ADCY1: variants seen among roughly 807,000 people sequenced by gnomAD.
ADCY1 encodes the protein adenylate cyclase type 1.
A neutral mutation model predicts 105.4 loss-of-function variants in ADCY1; 28 were observed. That is an observed-to-expected ratio of 0.27 (90% CI 0.20 to 0.36). The LOEUF is 0.36. Ranked by LOEUF, ADCY1 falls within the 10% of genes least tolerant of loss-of-function variation. The pLI is 1.00. For missense variants in ADCY1, 977 were observed against 1,434.2 expected (o/e 0.68, Z 5.15); for synonymous variants, 655 against 623.8 (o/e 1.05, Z -0.75).
chr7:45,635,601 GTTTTTTTTTTTT>G (rs71030884), intron 4 of ADCY1, among the ~76,000 whole-genome samples: 904 of 57,236 alleles, frequency 0.016, 10 homozygotes, highest in Non-Finnish European at 0.023. Context: ...AATTTCTCTT[GTTTTTTTTTTTT>G]TTTTTTTTTT....
At position 45,657,711 on chromosome 7, in the gene ADCY1, T is replaced by G. The variant is rs376092704; in HGVS notation, c.1149-16T>G. Reference sequence around the variant, plus strand: ...CAAGGTGGGCCCTAGCCCCACGCTCTGTGTCTGTGTTGCAGATCTGTGGCT... The same window carrying G: ...CAAGGTGGGCCCTAGCCCCACGCTCGGTGTCTGTGTTGCAGATCTGTGGCT... On this transcript the variant is annotated splice_polypyrimidine_tract_variant and intron_variant, in intron 5 of 19. Transcript: ENST00000297323. 7.6e-5 allele frequency: 122 copies of G among 1,611,120 alleles called. No homozygotes were observed. The African/African-American group carries it at 1.1e-3, about 15-fold the overall frequency.
chr7:45,600,843 C>T (rs1027099990), intron 2 of ADCY1, among the ~76,000 whole-genome samples: 5 of 152,144 alleles, frequency 3.3e-5, no homozygotes, highest in South Asian at 4.1e-4. Context: ...TCCTGATTTC[C>T]TCTTAGGAGG....
At chr7:45,624,456 T>G (rs1793994843) in intron 4 of ADCY1, among the ~76,000 whole-genome samples, 1 of 152,072 alleles carries the variant, frequency 6.6e-6, no homozygotes, top group Admixed American at 6.5e-5. Context: ...TGTTTACTTT[T>G]CTAATAAACA....
chr7:45,622,354 A>G (rs187503223), intron 3 of ADCY1, among the ~76,000 whole-genome samples: 2 of 151,928 alleles, frequency 1.3e-5, no homozygotes. Flanking sequence ...GGCTTTCCCT[A>G]TGTGGTGTGA....
chr7:45,651,786 A>C (rs1310623463), intron 5 of ADCY1, among the ~76,000 whole-genome samples: 2 of 152,362 alleles, frequency 1.3e-5, no homozygotes, highest in South Asian at 4.1e-4. Flanking sequence ...TGGCAGGCTC[A>C]GTGCCTGAGT....
At chr7:45,613,799 G>A (rs1484370218) in intron 3 of ADCY1, among the ~76,000 whole-genome samples, 1 of 152,184 alleles carries the variant, frequency 6.6e-6, no homozygotes, top group Non-Finnish European at 1.5e-5. Flanking sequence ...ACATACAACA[G>A]AACCAGCGTA....
At position 45,721,987 on chromosome 7, in the gene ADCY1, C is replaced by T. The variant is rs918427730; in HGVS notation, c.*7992C>T. 1 of 395,678 alleles carries T rather than the reference C, an allele frequency of 2.5e-6. No homozygotes were observed. Among genetic ancestry groups the T allele is most frequent in the African/African-American group, 2.1e-5 (1 of 48,522 alleles). The allele number at this position is 395,678 out of a possible 1,614,324, so 24.5% of individuals were successfully genotyped here. A position where few individuals can be genotyped will look rare whatever the true frequency, so the allele number is the denominator to read the frequency against. On this transcript the variant is annotated 3_prime_UTR_variant, in exon 20 of 20. Transcript: ENST00000297323. ...CTCGTGCAGGACTGTGCAACAGTAG[C>T]CCAGAGCATCCTGCCTGTGGGCATC...
At chr7:45,682,049 G>C (rs1045557064) in intron 11 of ADCY1, among the ~76,000 whole-genome samples, 4 of 152,178 alleles carry the variant, frequency 2.6e-5, no homozygotes, top group Non-Finnish European at 5.9e-5. Flanking sequence ...CTGGGCCTCA[G>C]GGTTGCCCTC....
At chr7:45,706,020 C>A (rs973520838) in intron 17 of ADCY1, among the ~76,000 whole-genome samples, 6 of 152,058 alleles carry the variant, frequency 3.9e-5, no homozygotes, top group Admixed American at 3.3e-4. Flanking sequence ...TCTATATGAG[C>A]AAAACTATAA....
intron 1 of ADCY1, among the ~76,000 whole-genome samples, chr7:45,584,121 T>G (rs1792649307): frequency 6.6e-6 from 1 of 151,940 alleles, no homozygotes; most frequent in South Asian, 2.1e-4. Context: ...CTAATTTTAT[T>G]TTTTGTAGAG....
chr7:45,664,262 C>T, intron 8 of ADCY1: 1 of 1,533,166 alleles, frequency 6.5e-7, no homozygotes, highest in Non-Finnish European at 8.7e-7. Flanking sequence ...TGTGTCGGAC[C>T]CCACACATCT....
At chr7:45,576,203 C>G (rs1034823837) in intron 1 of ADCY1, among the ~76,000 whole-genome samples, 2 of 152,048 alleles carry the variant, frequency 1.3e-5, no homozygotes, top group East Asian at 1.9e-4. Flanking sequence ...GGTAAGGGGT[C>G]GGAGGGGAAG....
At chr7:45,602,205 T>C (rs1389988166) in intron 2 of ADCY1, among the ~76,000 whole-genome samples, 3 of 151,540 alleles carry the variant, frequency 2.0e-5, no homozygotes, top group Non-Finnish European at 4.4e-5. Flanking sequence ...GAAGGGGATA[T>C]GGGCTGGAAG....
intron 14 of ADCY1, among the ~76,000 whole-genome samples, chr7:45,701,875 G>A (rs1422562793): frequency 6.6e-6 from 1 of 152,180 alleles, no homozygotes; most frequent in African/African-American, 2.4e-5. Flanking sequence ...TGGTCTGACC[G>A]AGAAGGTTAT....
intron 4 of ADCY1, among the ~76,000 whole-genome samples, chr7:45,628,775 G>T (rs1188300643): frequency 6.6e-6 from 1 of 152,118 alleles, no homozygotes; most frequent in Non-Finnish European, 1.5e-5. Flanking sequence ...CCTAACTAGT[G>T]CCTGCCTTCC....
intron 14 of ADCY1, among the ~76,000 whole-genome samples, chr7:45,692,130 C>T (rs1425804399): frequency 6.6e-6 from 1 of 152,212 alleles, no homozygotes; most frequent in Non-Finnish European, 1.5e-5. Context: ...CTATGGAAAC[C>T]TCCGAGGAGC....
At chr7:45,631,970 G>T (rs772988169) in intron 4 of ADCY1, among the ~76,000 whole-genome samples, 7 of 152,100 alleles carry the variant, frequency 4.6e-5, no homozygotes, top group Non-Finnish European at 8.8e-5. Context: ...AATACATTTG[G>T]AGTTAATTTT....
intron 3 of ADCY1, among the ~76,000 whole-genome samples, chr7:45,618,333 A>G (rs1793796635): frequency 6.6e-6 from 1 of 152,236 alleles, no homozygotes; most frequent in Non-Finnish European, 1.5e-5. Context: ...TTTTATGGCT[A>G]AGACCTCAAA....
In ADCY1 at chr7:45,708,505, A is replaced by G; in HGVS notation, c.2932+41A>G. 6.9e-7 allele frequency: 1 copy of G among 1,449,998 alleles called. No homozygotes were observed. The highest frequency in any genetic ancestry group is 9.7e-7 in the Non-Finnish European group (1 of 1,032,590). The allele number at this position is 1,449,998 out of a possible 1,614,324, so 89.8% of individuals were successfully genotyped here. On this transcript the variant is annotated intron_variant, in intron 18 of 19. Transcript: ENST00000297323. The surrounding 1 kb of genome is among the most constrained non-coding windows in gnomAD (Gnocchi z 4.7). ...CCTATCCTGTCCATCCATGTGGAAC[A>G]CCTTCCTACACCCACCTAGGGGTGG...
Sources: gnomAD v4.1 joint callset for allele counts (sites outside exome capture counted in the v4.1 genomes callset) on GRCh38, gnomAD v4.1.1 for gene constraint, Gnocchi (gnomAD v3.1) non-coding constraint, MANE v1.5 for transcripts, NCBI Gene and HGNC (gene_info 2026-07-23, HGNC 2026-07-21) for gene names.